GRM4: variants seen among roughly 807,000 people sequenced by gnomAD.
GRM4 encodes glutamate metabotropic receptor 4, also known as metabotropic glutamate receptor 4.
Under a neutral mutation model 81.7 loss-of-function variants are expected in GRM4, and 28 were observed. That is an observed-to-expected ratio of 0.34 (90% CI 0.25 to 0.47). The LOEUF is 0.47. Among genes scored for constraint, GRM4 ranks in the 20% least tolerant of loss-of-function variants. The pLI, the probability that GRM4 is intolerant of heterozygous loss-of-function variation, is 1.00. For synonymous variants in GRM4, 488 were observed against 528.8 expected, an observed-to-expected ratio of 0.92 and a Z score of 1.06; for missense variants, 948 against 1,290.0, an observed-to-expected ratio of 0.73 and a Z score of 4.06.
intron 3 of GRM4, among the ~76,000 whole-genome samples, chr6:34,066,851 C>T (rs1358484441): frequency 6.6e-6 from 1 of 152,100 alleles, no homozygotes; most frequent in African/African-American, 2.4e-5. Context: ...AGCAAGGGTG[C>T]CGCGGTCCTC....
chr6:34,066,534 G>A (rs916647884), intron 3 of GRM4, among the ~76,000 whole-genome samples: 11 of 151,870 alleles, frequency 7.2e-5, no homozygotes, highest in African/African-American at 2.7e-4. Context: ...GCATGAGGGC[G>A]GGAGACTTTG....
rs896203176 is a variant in GRM4, at chr6:34,034,113, T to G, written c.2442+1555A>C. On this transcript the variant is annotated intron_variant, in intron 9 of 10. Transcript: ENST00000538487. The surrounding 1 kb of genome is among the most constrained non-coding windows in gnomAD (Gnocchi z 4.0). ...ATGTCTCCAGCCCAGAACTTGCCCC[T>G]GAACTCCAGACTCCTATATTCAACC... Among the ~76,000 whole-genome samples the G allele has an allele frequency of 6.6e-6, 1 of 152,188 alleles. No individual in the cohort carries two copies. Among genetic ancestry groups the G allele is most frequent in the African/African-American group, 2.4e-5 (1 of 41,442 alleles).
intron 9 of GRM4, among the ~76,000 whole-genome samples, chr6:34,028,599 T>G (rs1764258284): frequency 6.6e-6 from 1 of 152,226 alleles, no homozygotes; most frequent in African/African-American, 2.4e-5. Flanking sequence ...TCCTCACGTA[T>G]AATGTGGGCG....
intron 2 of GRM4, among the ~76,000 whole-genome samples, chr6:34,124,312 G>A (rs900574329): frequency 1.3e-5 from 2 of 152,110 alleles, no homozygotes; most frequent in African/African-American, 4.8e-5. Context: ...CCTCCACTCC[G>A]TTCAGGTTCT....
chr6:34,099,470 T>C (rs1768715466), intron 2 of GRM4, among the ~76,000 whole-genome samples: 1 of 151,744 alleles, frequency 6.6e-6, no homozygotes, highest in Non-Finnish European at 1.5e-5. Flanking sequence ...ACTCACGGCA[T>C]TGGGGATCAA....
chr6:34,050,127 T>C (rs1049326632), intron 6 of GRM4, among the ~76,000 whole-genome samples: 11 of 152,298 alleles, frequency 7.2e-5, no homozygotes, highest in African/African-American at 2.2e-4. Flanking sequence ...TCAGCCACAC[T>C]GGCCTCCTCA....
Position 34,021,760 on chromosome 6 carries a change from C to T in GRM4, c.*1061G>A, listed in dbSNP as rs1763880468. 1 of 152,638 alleles carries T rather than the reference C, an allele frequency of 6.6e-6. No homozygotes were observed. The highest frequency in any genetic ancestry group is 6.6e-5 in the Admixed American group (1 of 15,262). 9.5% of individuals were successfully genotyped at this position (152,638 alleles called of 1,614,324 possible). A position where few individuals can be genotyped will look rare whatever the true frequency, so the allele number is the denominator to read the frequency against. On this transcript the variant is annotated 3_prime_UTR_variant, in exon 11 of 11. Transcript: ENST00000538487. The surrounding 1 kb of genome is among the most constrained non-coding windows in gnomAD (Gnocchi z 5.3). ...CCCCAAGCCCTGGGTCTCCAGAGCC[C>T]AGTTCCCGCTTCCCTCTAGGTCTAA...
At chr6:34,113,362 G>A (rs1769463906) in intron 2 of GRM4, among the ~76,000 whole-genome samples, 1 of 152,126 alleles carries the variant, frequency 6.6e-6, no homozygotes, top group Non-Finnish European at 1.5e-5. Context: ...ATGTTGCCCA[G>A]GCTGGTCTCG....
chr6:34,155,024 C>A, intron 1 of GRM4: 1 of 1,374,234 alleles, frequency 7.3e-7, no homozygotes, highest in East Asian at 2.5e-5. Flanking sequence ...CAGTGCTGGG[C>A]ACCTCCCCGT....
intron 1 of GRM4, among the ~76,000 whole-genome samples, chr6:34,142,841 G>C (rs891880831): frequency 6.6e-6 from 1 of 152,192 alleles, no homozygotes; most frequent in Non-Finnish European, 1.5e-5. Context: ...GAGGAGGAGC[G>C]GCCTACGCAA....
intron 3 of GRM4, among the ~76,000 whole-genome samples, chr6:34,082,074 TCCCTGTCCAGTGGGAGCCTGC>T (rs1767630996): frequency 3.3e-5 from 1 of 30,190 alleles, no homozygotes; most frequent in African/African-American, 4.0e-4. Context: ...GCGGGACAGA[TCCCTGTCCAGTGGGAGCCTGC>T]GGGACAGATC....
intron 10 of GRM4, among the ~76,000 whole-genome samples, chr6:34,027,103 A>G (rs544149499): frequency 4.4e-4 from 67 of 152,210 alleles, no homozygotes; most frequent in Admixed American, 4.3e-3. Context: ...ATGGCACCCG[A>G]AGGGAACCCC....
chr6:34,104,626 C>G (rs1306836256), intron 2 of GRM4, among the ~76,000 whole-genome samples: 1 of 152,212 alleles, frequency 6.6e-6, no homozygotes, highest in Non-Finnish European at 1.5e-5. Flanking sequence ...ACCTGGCACA[C>G]ACTGCGTGTC....
chr6:34,145,107 A>T (rs1465040757), intron 1 of GRM4, among the ~76,000 whole-genome samples: 1 of 151,972 alleles, frequency 6.6e-6, no homozygotes, highest in African/African-American at 2.4e-5. Context: ...GCAAGGTTTA[A>T]GCCGCGGCGA....
Position 34,028,381 on chromosome 6 carries a change from G to T in GRM4, c.2443-15C>A. 1.2e-6 allele frequency: 2 copies of T among 1,605,202 alleles called. No individual in the cohort carries two copies. Among genetic ancestry groups the T allele is most frequent in the Non-Finnish European group, 1.7e-6 (2 of 1,178,664 alleles). ...TGGATGTACAGCTGGCGGAGGGCAC[G>T]GTGGCGTCAGAGCAGGCTCTGCCCC... On this transcript the variant is annotated splice_polypyrimidine_tract_variant and intron_variant, in intron 9 of 10. Coordinates refer to ENST00000538487, the MANE Select transcript of GRM4 (RefSeq NM_000841.4).
chr6:34,023,100 T>A (rs1007839135), intron 10 of GRM4, among the ~76,000 whole-genome samples: 2 of 152,216 alleles, frequency 1.3e-5, no homozygotes, highest in African/African-American at 4.8e-5. Flanking sequence ...TGGGCCCATG[T>A]TTCGCACCTC....
At chr6:34,126,814 T>C (rs1770041860) in intron 2 of GRM4, among the ~76,000 whole-genome samples, 2 of 152,234 alleles carry the variant, frequency 1.3e-5, no homozygotes, top group Admixed American at 1.3e-4. Flanking sequence ...GGCCACCGTC[T>C]GCCTGCATCA....
intron 6 of GRM4, among the ~76,000 whole-genome samples, chr6:34,044,524 A>G (rs1363994407): frequency 6.8e-6 from 1 of 147,626 alleles, no homozygotes; most frequent in Non-Finnish European, 1.5e-5. Flanking sequence ...AGACATACAT[A>G]CATACACATA....
At chr6:34,153,132 C>A (rs1771079994) in intron 1 of GRM4, among the ~76,000 whole-genome samples, 1 of 152,158 alleles carries the variant, frequency 6.6e-6, no homozygotes, top group Non-Finnish European at 1.5e-5. Flanking sequence ...CCACCCTGGA[C>A]AAGAAGGGAC....
Sources: allele counts gnomAD v4.1 joint callset (sites outside exome capture counted in the v4.1 genomes callset), GRCh38; gene constraint gnomAD v4.1.1; non-coding constraint Gnocchi (gnomAD v3.1); transcripts MANE v1.5; gene names NCBI Gene and HGNC (gene_info 2026-07-23, HGNC 2026-07-21).